The following UBAP2 variants were observed in gnomAD, a reference collection of about 807,000 sequenced individuals.
The protein encoded by UBAP2 is ubiquitin-associated protein 2.
UBAP2 carries 75 observed loss-of-function variants against 139.6 expected under a neutral mutation model. The ratio of observed to expected loss-of-function variants is 0.54; its 90% CI spans 0.45 to 0.65. The LOEUF is 0.65. Among genes scored for constraint, UBAP2 ranks in the 30% least tolerant of loss-of-function variants. The pLI, the probability that UBAP2 is intolerant of heterozygous loss-of-function variation, is 0.00. For missense variants in UBAP2, 1,368 were observed against 1,369.6 expected, an observed-to-expected ratio of 1.00 and a Z score of 0.02; for synonymous variants, 526 against 526.2, an observed-to-expected ratio of 1.00 and a Z score of 0.01.
chr9:33,969,551 TA>T (rs60255464), intron 8 of UBAP2, among the ~76,000 whole-genome samples: 41,474 of 140,388 alleles, frequency 0.3, 5,903 homozygotes, highest in South Asian at 0.42. Context: ...GCTCTCTCTT[TA>T]AAAAAAAAAA....
intron 8 of UBAP2, among the ~76,000 whole-genome samples, chr9:33,965,546 A>C (rs889584542): frequency 2.0e-5 from 3 of 152,134 alleles, no homozygotes; most frequent in Admixed American, 2.0e-4. Flanking sequence ...ATTTGCCACT[A>C]TATCTTCTTT....
chr9:33,965,357 C>A (rs1375574660), intron 8 of UBAP2, among the ~76,000 whole-genome samples: 1 of 152,118 alleles, frequency 6.6e-6, no homozygotes, highest in Non-Finnish European at 1.5e-5. Context: ...AAGTCCTTAT[C>A]AAATATGGAT....
At chr9:34,020,092 G>A (rs369737555) in intron 1 of UBAP2, among the ~76,000 whole-genome samples, 9 of 150,908 alleles carry the variant, frequency 6.0e-5, no homozygotes, top group Admixed American at 2.0e-4. Context: ...CCTGGGAGGC[G>A]GAGGTTGCAG....
intron 2 of UBAP2, among the ~76,000 whole-genome samples, chr9:34,000,536 T>A (rs1414245257): frequency 6.6e-6 from 1 of 152,190 alleles, no homozygotes; most frequent in African/African-American, 2.4e-5. Flanking sequence ...AACGGTCTAT[T>A]AAATCTAAAA....
chr9:34,018,121 A>C (rs1458576580), intron 1 of UBAP2, among the ~76,000 whole-genome samples: 3 of 151,780 alleles, frequency 2.0e-5, no homozygotes, highest in Non-Finnish European at 4.4e-5. Flanking sequence ...CAAGAGTTTG[A>C]GACCAGCCTA....
At chr9:34,000,008 C>CA (rs1564055768) in intron 2 of UBAP2, among the ~76,000 whole-genome samples, 1 of 151,930 alleles carries the variant, frequency 6.6e-6, no homozygotes, top group African/African-American at 2.4e-5. Context: ...AGTGCACTGG[C>CA]ACGATCTTGG....
chr9:33,948,630 AT>A, intron 12 of UBAP2, 43 bp from the exon 13 acceptor site: 1 of 1,561,552 alleles, frequency 6.4e-7, no homozygotes, highest in African/African-American at 1.4e-5. Context: ...ACAATACAGA[AT>A]TTCTGCCCAA....
chr9:33,944,234 T>C lies in UBAP2; in HGVS notation c.1545+131A>G, dbSNP rs1207701187. 7 of 1,257,694 alleles carry C rather than the reference T, an allele frequency of 5.6e-6. No homozygotes were observed. In the East Asian group the frequency reaches 1.6e-4, roughly 29 times the overall value. 77.9% of individuals were successfully genotyped at this position (1,257,694 alleles called of 1,614,324 possible). A position where few individuals can be genotyped will look rare whatever the true frequency, so the allele number is the denominator to read the frequency against. On this transcript the variant is annotated intron_variant, in intron 14 of 28. Coordinates refer to ENST00000379238, the MANE Select transcript of UBAP2 (RefSeq NM_001370062.2). Reference sequence around the variant, plus strand: ...TGGTCACTCAGAAATGGCCATATCCTTATTATGCAATCAATAAGCTATGTG... The same window carrying C: ...TGGTCACTCAGAAATGGCCATATCCCTATTATGCAATCAATAAGCTATGTG...
intron 1 of UBAP2, among the ~76,000 whole-genome samples, chr9:34,041,688 A>G (rs1227516379): frequency 2.0e-5 from 3 of 152,180 alleles, no homozygotes; most frequent in African/African-American, 7.2e-5. Context: ...CCTGGGCAAA[A>G]GAGCAAGACT....
intron 1 of UBAP2, among the ~76,000 whole-genome samples, chr9:34,046,643 C>CAAAAAAA (rs59971755): frequency 4.9e-5 from 6 of 122,342 alleles, no homozygotes; most frequent in East Asian, 4.4e-4. Flanking sequence ...GACTCCATCT[C>CAAAAAAA]AAAAAAAAAA....
At chr9:34,021,937 T>C (rs900689670) in intron 1 of UBAP2, among the ~76,000 whole-genome samples, 7 of 152,068 alleles carry the variant, frequency 4.6e-5, no homozygotes, top group Non-Finnish European at 7.4e-5. Context: ...CCCGGCCCCA[T>C]TGGATTATTT....
intron 1 of UBAP2, among the ~76,000 whole-genome samples, chr9:34,040,566 C>T (rs541212273): frequency 2.0e-5 from 3 of 152,018 alleles, no homozygotes; most frequent in Non-Finnish European, 2.9e-5. Context: ...GCCAACATAG[C>T]GATACACTCT....
intron 14 of UBAP2, 113 bp downstream of exon 14, chr9:33,944,252 G>T: frequency 7.3e-7 from 1 of 1,377,668 alleles, no homozygotes; most frequent in Non-Finnish European, 1.0e-6. Flanking sequence ...CAATCAATAA[G>T]CTATGTGCTT....
intron 6 of UBAP2, among the ~76,000 whole-genome samples, chr9:33,983,506 A>G (rs1221881915): frequency 3.9e-5 from 6 of 152,232 alleles, no homozygotes; most frequent in Non-Finnish European, 8.8e-5. Context: ...AAGGAATATC[A>G]GAACAATGAT....
At chr9:34,018,493 A>T in intron 1 of UBAP2, among the ~76,000 whole-genome samples, 1 of 152,192 alleles carries the variant, frequency 6.6e-6, no homozygotes, top group African/African-American at 2.4e-5. Context: ...ATGATCCAGC[A>T]ATTCCAATTC....
chr9:33,932,299 G>A (rs1824049347), intron 19 of UBAP2, among the ~76,000 whole-genome samples: 1 of 152,204 alleles, frequency 6.6e-6, no homozygotes, highest in Non-Finnish European at 1.5e-5. Flanking sequence ...TGGGAGCAAG[G>A]TCACCACCTG....
At chr9:33,996,201 C>A (rs991076532) in intron 4 of UBAP2, 22 bp downstream of exon 4, 2 of 1,564,532 alleles carry the variant, frequency 1.3e-6, no homozygotes, top group Non-Finnish European at 8.8e-7. Context: ...GTAAACAATG[C>A]AAATCAATTA....
intron 4 of UBAP2, among the ~76,000 whole-genome samples, chr9:33,989,542 C>T (rs922919525): frequency 6.6e-6 from 1 of 152,184 alleles, no homozygotes; most frequent in Non-Finnish European, 1.5e-5. Flanking sequence ...CAGCTTGCAG[C>T]TCACCTGCTT....
At position 33,933,554 on chromosome 9, in the gene UBAP2, G is replaced by A; in HGVS notation, c.2044C>T (p.Leu682Phe). 4 of 1,614,068 alleles carry A rather than the reference G, an allele frequency of 2.5e-6. No individual in the cohort carries two copies. Among genetic ancestry groups the A allele is most frequent in the Non-Finnish European group, 3.4e-6 (4 of 1,180,032 alleles). ...SLPSTTSCTA[L>F]LPSTSQHTGD... The stretch of plus-strand genomic sequence containing the variant: ...GTGTGCTGGGATGTGGACGGCAGAA[G>A]TGCAGTGCAGGAGGTGGTGCTGGGC... The change falls in exon 18 of 29, where the codon CTT (leucine) becomes TTT (phenylalanine). Residue 682 changes from leucine to phenylalanine, a missense_variant. Coordinates refer to ENST00000379238, the MANE Select transcript of UBAP2 (RefSeq NM_001370062.2).
Sources: gnomAD v4.1 joint callset for allele counts (sites outside exome capture counted in the v4.1 genomes callset) on GRCh38, gnomAD v4.1.1 for gene constraint, MANE v1.5 for transcripts, NCBI Gene and HGNC (gene_info 2026-07-23, HGNC 2026-07-21) for gene names.